RHOQ: variants seen among roughly 807,000 people sequenced by gnomAD.
The protein encoded by RHOQ is ras homolog family member Q, also known as rho-related GTP-binding protein RhoQ.
In RHOQ, 7 loss-of-function variants were observed where a neutral mutation model predicts 25.8. The observed-to-expected ratio is 0.27, with a 90% CI of 0.15 to 0.51. The LOEUF is 0.51. RHOQ is among the 20% of genes least tolerant of loss of function. The probability of loss-of-function intolerance (pLI) is 0.97; values close to 1 mark genes in which losing one functional copy is unlikely to be tolerated. For missense variants in RHOQ, 165 were observed against 260.6 expected (o/e 0.63, Z 2.53); for synonymous variants, 97 against 98.6 (o/e 0.98, Z 0.10).
rs143397527 is a variant in RHOQ at position 46,561,344 on chromosome 2, C to A, written c.202-14743C>A. ...GGGTGGCAAGGGGGCCCAGGCAAGA[C>A]AGAGTATTCCAGGCCAAGAAAAGAG... is the stretch of plus-strand genomic sequence containing the variant. On this transcript the variant is annotated intron_variant, in intron 2 of 4. Transcript: ENST00000238738. Among the ~76,000 whole-genome samples, 17 of 152,096 alleles carry A rather than the reference C, an allele frequency of 1.1e-4. 1 individual carries two copies. The East Asian group carries it at 3.3e-3, about 29-fold the overall frequency.
At chr2:46,565,444 A>G (rs1668702318) in intron 2 of RHOQ, among the ~76,000 whole-genome samples, 2 of 152,226 alleles carry the variant, frequency 1.3e-5, no homozygotes, top group Non-Finnish European at 2.9e-5. Context: ...CAGGAACTAA[A>G]ATGCTTAAAG....
chr2:46,574,335 T>G (rs979414772), intron 2 of RHOQ, among the ~76,000 whole-genome samples: 1 of 140,760 alleles, frequency 7.1e-6, no homozygotes, highest in Non-Finnish European at 1.5e-5. Flanking sequence ...ACATACTGTT[T>G]CTTTTTTTTT....
At chr2:46,580,470 A>C (rs532635406) in intron 4 of RHOQ, 233 of 152,590 alleles carry the variant, frequency 1.5e-3, no homozygotes, top group African/African-American at 5.3e-3. Context: ...TCACTGCTCA[A>C]ACTTCCCCAT....
chr2:46,558,375 C>G lies in RHOQ; in HGVS notation c.201+14563C>G, dbSNP rs574411302. 3.3e-5 allele frequency among the ~76,000 whole-genome samples: 5 copies of G among 152,272 alleles called. No individual in the cohort carries two copies. In the East Asian group the frequency reaches 9.7e-4, roughly 29 times the overall value. ...TCATTGTAGGCAACTTTTGGGATAC[C>G]TAGTATGTTTGAAAATGTTTTTATT... On this transcript the variant is annotated intron_variant, in intron 2 of 4. Coordinates refer to ENST00000238738, the MANE Select transcript of RHOQ (RefSeq NM_012249.4).
At position 46,542,940 on chromosome 2, in the gene RHOQ, G is replaced by A; in HGVS notation, c.-107G>A. ...GGGGCCGGGGGGGCGGCCCTGCGGC[G>A]CGGAGCGGCGGCGACGGCGGCGGAC... On this transcript the variant is annotated 5_prime_UTR_variant, in exon 1 of 5. Transcript: ENST00000238738. The A allele has an allele frequency of 1.7e-6, 1 of 602,654 alleles. No homozygotes were observed. The highest frequency in any genetic ancestry group is 2.1e-6 in the Non-Finnish European group (1 of 469,526). The allele number at this position is 602,654 out of a possible 1,614,324, so 37.3% of individuals were successfully genotyped here.
rs761625689 is a variant in RHOQ, at chr2:46,559,151, TTTG to T, written c.201+15360_201+15362del. Among the ~76,000 whole-genome samples the T allele has an allele frequency of 6.2e-3, 937 of 151,918 alleles. 6 individuals carry two copies. The highest frequency in any genetic ancestry group is 0.021 in the African/African-American group (874 of 41,472). On this transcript the variant is annotated intron_variant, in intron 2 of 4. Coordinates refer to ENST00000238738, the MANE Select transcript of RHOQ (RefSeq NM_012249.4). ...TGTTTGTTTGTTTCTTTGGTTTCTT[TTTG>T]TTGTTGTTGTTGTTGTTGTTTGGTA...
intron 2 of RHOQ, among the ~76,000 whole-genome samples, chr2:46,573,745 C>G (rs755482196): frequency 6.6e-6 from 1 of 152,238 alleles, no homozygotes; most frequent in African/African-American, 2.4e-5. Context: ...AGAGCGCACA[C>G]TTCTGTTTCC....
In RHOQ at chr2:46,582,957, T is replaced by G. The variant is rs1320360396; in HGVS notation, c.*1874T>G. ...CACATTAAAGTATCATGGCCTTATG[T>G]ATGCTCAAATGGAATCTTATGTAAC... On this transcript the variant is annotated 3_prime_UTR_variant, in exon 5 of 5. Coordinates refer to ENST00000238738, the MANE Select transcript of RHOQ (RefSeq NM_012249.4). 4 of 152,218 alleles carry G rather than the reference T, an allele frequency of 2.6e-5. No individual in the cohort carries two copies. Among genetic ancestry groups the G allele is most frequent in the Non-Finnish European group, 5.9e-5 (4 of 68,000 alleles). 9.4% of individuals were successfully genotyped at this position (152,218 alleles called of 1,614,324 possible).
intron 2 of RHOQ, among the ~76,000 whole-genome samples, chr2:46,562,092 C>T (rs1021410739): frequency 2.0e-5 from 3 of 152,314 alleles, no homozygotes; most frequent in South Asian, 4.1e-4. Flanking sequence ...TCTGACAAGA[C>T]TCACTTATCG....
chr2:46,560,725 T>C, intron 2 of RHOQ: 1 of 432,926 alleles, frequency 2.3e-6, no homozygotes, highest in Admixed American at 2.4e-5. Context: ...ATGCAATTTC[T>C]ACTTTGCTAG....
chr2:46,562,095 A>G (rs1668595476), intron 2 of RHOQ, among the ~76,000 whole-genome samples: 1 of 152,140 alleles, frequency 6.6e-6, no homozygotes, highest in African/African-American at 2.4e-5. Flanking sequence ...GACAAGACTC[A>G]CTTATCGGCA....
In RHOQ at chr2:46,576,746, C is replaced by A; in HGVS notation, c.462+90C>A. 2.3e-6 allele frequency: 2 copies of A among 860,134 alleles called. No individual in the cohort carries two copies. The highest frequency in any genetic ancestry group is 3.7e-6 in the Non-Finnish European group (2 of 541,142). 53.3% of individuals were successfully genotyped at this position (860,134 alleles called of 1,614,324 possible). A position where few individuals can be genotyped will look rare whatever the true frequency, so the allele number is the denominator to read the frequency against. On this transcript the variant is annotated intron_variant, in intron 4 of 4. Transcript: ENST00000238738. This position sits in a 1 kb window ranked among gnomAD's most constrained non-coding sequence, Gnocchi z 5.1. ...ATTTTATTGTGTATTTACTGTGTGC[C>A]AGGTGGAGTGCTTTACATGCATTAT...
At chr2:46,549,460 T>C (rs1668173046) in intron 2 of RHOQ, among the ~76,000 whole-genome samples, 1 of 152,088 alleles carries the variant, frequency 6.6e-6, no homozygotes. Flanking sequence ...GGGGTGTCCG[T>C]TTCCAGAAAG....
chr2:46,564,688 C>T (rs929525347), intron 2 of RHOQ, among the ~76,000 whole-genome samples: 2 of 152,226 alleles, frequency 1.3e-5, no homozygotes, highest in African/African-American at 4.8e-5. Flanking sequence ...TTACCAGGGT[C>T]TTCTCTTTGC....
chr2:46,582,456 C>G lies in RHOQ; in HGVS notation c.*1373C>G, dbSNP rs1669428215. The G allele has an allele frequency of 6.6e-6, 1 of 152,176 alleles. No homozygotes were observed. Among genetic ancestry groups the G allele is most frequent in the Non-Finnish European group, 1.5e-5 (1 of 68,028 alleles). 9.4% of individuals were successfully genotyped at this position (152,176 alleles called of 1,614,324 possible). On this transcript the variant is annotated 3_prime_UTR_variant, in exon 5 of 5. Transcript: ENST00000238738. ...ACCTAATTCAGCTTCCTTGTTTGGT[C>G]TGCTGTGGATCTGCCTTATTGCATA...
chr2:46,566,879 C>T lies in RHOQ; in HGVS notation c.202-9208C>T, dbSNP rs560305473. On this transcript the variant is annotated intron_variant, in intron 2 of 4. Transcript: ENST00000238738. This position sits in a 1 kb window ranked among gnomAD's most constrained non-coding sequence, Gnocchi z 4.2. ...GCCTGCGCAGACTGAAACTCATCTT[C>T]CTGGTTATTCTCTCTCCCAGAACCT... is the stretch of plus-strand genomic sequence containing the variant. Among the ~76,000 whole-genome samples the T allele has an allele frequency of 1.3e-5, 2 of 152,306 alleles. No homozygotes were observed. Among genetic ancestry groups the T allele is most frequent in the South Asian group, 2.1e-4 (1 of 4,828 alleles).
intron 2 of RHOQ, among the ~76,000 whole-genome samples, chr2:46,547,850 C>T (rs1282142419): frequency 1.3e-5 from 2 of 152,216 alleles, no homozygotes; most frequent in Admixed American, 6.5e-5. Flanking sequence ...GGAAAGAGCT[C>T]TCCCTCTCTG....
In RHOQ at chr2:46,576,216, G is replaced by A. The variant is rs775943079; in HGVS notation, c.331G>A (p.Ala111Thr). Residue 111 changes from alanine (A) to threonine (T), a missense_variant, in exon 3 of 5, where the codon GCA becomes ACA. Coordinates refer to ENST00000238738, the MANE Select transcript of RHOQ (RefSeq NM_012249.4). This position sits in a 1 kb window ranked among gnomAD's most constrained non-coding sequence, Gnocchi z 5.1. ...EEWVPELKEY[A>T]PNVPFLLIGT... ...GTGGGTACCGGAACTTAAGGAATAC[G>A]CACCAAATGTACCCTTTTTATTAAT... 16 of 1,610,816 alleles carry A rather than the reference G, an allele frequency of 9.9e-6. No individual in the cohort carries two copies. The highest frequency in any genetic ancestry group is 2.2e-5 in the East Asian group (1 of 44,804).
rs896062528 is a variant in RHOQ at position 46,542,927 on chromosome 2, G to T, written c.-120G>T. On this transcript the variant is annotated 5_prime_UTR_variant, in exon 1 of 5. Coordinates refer to ENST00000238738, the MANE Select transcript of RHOQ (RefSeq NM_012249.4). Reference sequence around the variant, plus strand: ...GGAGCCGCTGCATGGGGCCGGGGGGGCGGCCCTGCGGCGCGGAGCGGCGGC... The same window carrying T: ...GGAGCCGCTGCATGGGGCCGGGGGGTCGGCCCTGCGGCGCGGAGCGGCGGC... 29 of 429,080 alleles carry T rather than the reference G, an allele frequency of 6.8e-5. 1 individual carries two copies. The Admixed American group carries it at 1.5e-3, about 22-fold the overall frequency. The allele number at this position is 429,080 out of a possible 1,614,324, so 26.6% of individuals were successfully genotyped here. A position where few individuals can be genotyped will look rare whatever the true frequency, so the allele number is the denominator to read the frequency against.
Sources: gnomAD v4.1 joint callset for allele counts (sites outside exome capture counted in the v4.1 genomes callset) on GRCh38, gnomAD v4.1.1 for gene constraint, Gnocchi (gnomAD v3.1) non-coding constraint, MANE v1.5 for transcripts, NCBI Gene and HGNC (gene_info 2026-07-23, HGNC 2026-07-21) for gene names.